PDE6B: variants seen among roughly 807,000 people sequenced by gnomAD.
PDE6B encodes phosphodiesterase 6B, also known as rod cGMP-specific 3',5'-cyclic phosphodiesterase subunit beta.
Under a neutral mutation model 109.0 loss-of-function variants are expected in PDE6B, and 106 were observed. That is an observed-to-expected ratio of 0.97 (90% CI 0.83 to 1.14). PDE6B has a LOEUF of 1.14. Ranked by LOEUF, PDE6B falls within the 50% of genes most tolerant of loss-of-function variation. The probability of loss-of-function intolerance (pLI) is 0.00; values close to 1 mark genes in which losing one functional copy is unlikely to be tolerated. For missense variants in PDE6B, 1,193 were observed against 1,155.6 expected (o/e 1.03, Z -0.47); for synonymous variants, 490 against 471.3 (o/e 1.04, Z -0.51).
Position 660,485 on chromosome 4 carries a change from CCCA to C in PDE6B, c.1491_1493del (p.Thr498del), listed in dbSNP as rs1553812485. ...CCCACAGAAGGAGGAGCTGCCAGGG[CCCA>C]CCACATTTGACATCTACGAATTCCA... On this transcript the variant is annotated inframe_deletion, in exon 12 of 22. Coordinates refer to ENST00000496514, the MANE Select transcript of PDE6B (RefSeq NM_000283.4). 1.9e-6 allele frequency: 3 copies of C among 1,613,922 alleles called. No individual in the cohort carries two copies. Among genetic ancestry groups the C allele is most frequent in the Middle Eastern group, 1.7e-4 (1 of 6,058 alleles).
At position 662,834 on chromosome 4, in the gene PDE6B, T is replaced by TAAA. The variant is rs36093261; in HGVS notation, c.1832+236_1832+238dup. ...GCAAGAGCTCTCCTCTACAAAAACT[T>TAAA]AAAAAAAAAAAAAAAAAAAAAAGCT... On this transcript the variant is annotated intron_variant, in intron 14 of 21. Coordinates refer to ENST00000496514, the MANE Select transcript of PDE6B (RefSeq NM_000283.4). The surrounding 1 kb of genome is among the most constrained non-coding windows in gnomAD (Gnocchi z 4.3). Among the ~76,000 whole-genome samples the TAAA allele has an allele frequency of 3.0e-4, 28 of 92,124 alleles. No individual in the cohort carries two copies. In the East Asian group the frequency reaches 4.9e-3, roughly 16 times the overall value. 60.4% of individuals were successfully genotyped at this position (92,124 alleles called of 152,430 possible).
intron 5 of PDE6B, chr4:654,615 A>G: frequency 9.2e-6 from 6 of 651,642 alleles, no homozygotes; most frequent in Non-Finnish European, 8.4e-6. Flanking sequence ...GAGCCTGTGC[A>G]TGTGTGGACA....
In PDE6B at chr4:664,017, G is replaced by A. The variant is rs1033696337; in HGVS notation, c.2022-97G>A. 150 of 1,147,788 alleles carry A rather than the reference G, an allele frequency of 1.3e-4. 2 individuals carry two copies. In the Middle Eastern group the frequency reaches 2.5e-3, roughly 19 times the overall value. The allele number at this position is 1,147,788 out of a possible 1,614,324, so 71.1% of individuals were successfully genotyped here. A position where few individuals can be genotyped will look rare whatever the true frequency, so the allele number is the denominator to read the frequency against. On this transcript the variant is annotated intron_variant, in intron 16 of 21. Coordinates refer to ENST00000496514, the MANE Select transcript of PDE6B (RefSeq NM_000283.4). ...CGCCGGCCCCGCGCACCCCGGATGG[G>A]GCCTCGCTCGGGCTCCGCGCCTCCC...
chr4:637,818 G>A (rs887919940), intron 3 of PDE6B, among the ~76,000 whole-genome samples: 3 of 152,174 alleles, frequency 2.0e-5, no homozygotes, highest in Admixed American at 1.3e-4. Flanking sequence ...CCTGGTCCAC[G>A]ACAGCGCGAC....
rs770115481 is a variant in PDE6B, at chr4:653,942, C to G, written c.802C>G (p.Leu268Val). 1 of 1,613,882 alleles carries G rather than the reference C, an allele frequency of 6.2e-7. No individual in the cohort carries two copies. The highest frequency in any genetic ancestry group is 1.1e-5 in the South Asian group (1 of 91,086). Residue 268 changes from leucine to valine, a missense_variant, in exon 4 of 22, where the codon CTC becomes GTC. Transcript: ENST00000496514. ...HKAFYTVRAY[L>V]NCERYSVGLL... ...GGCCTTCTACACGGTGCGGGCCTACCTCAACTGCGAGCGGTACTCCGTGGG... is the reference window on the plus strand; with the variant it reads ...GGCCTTCTACACGGTGCGGGCCTACGTCAACTGCGAGCGGTACTCCGTGGG...
rs759944711 is a variant in PDE6B, at chr4:656,889, G to T, written c.1123G>T (p.Asp375Tyr). Residue 375 changes from aspartate to tyrosine, a missense_variant, in exon 9 of 22, where the codon GAC (aspartate) becomes TAC (tyrosine). By Grantham distance (160) the Asp-to-Tyr change is radical. Coordinates refer to ENST00000496514, the MANE Select transcript of PDE6B (RefSeq NM_000283.4). ...GCTCCCGCAGGAAGGGGCCCTGGAC[G>T]ACTCCGGGTGGCTCATCAAGAATGT... ...MFKFQEGALD[D>Y]SGWLIKNVLS... 5.6e-6 allele frequency: 9 copies of T among 1,612,852 alleles called. No homozygotes were observed. In the South Asian group the frequency reaches 9.9e-5, roughly 18 times the overall value.
intron 1 of PDE6B, among the ~76,000 whole-genome samples, chr4:627,010 C>T (rs547854701): frequency 6.6e-6 from 1 of 152,346 alleles, no homozygotes; most frequent in South Asian, 2.1e-4. Context: ...GCTAAGGAGG[C>T]TGCAAGAGGC....
At chr4:660,926 CAAAGG>C (rs1560130569) in intron 12 of PDE6B, among the ~76,000 whole-genome samples, 1 of 17,936 alleles carries the variant, frequency 5.6e-5, no homozygotes, top group Non-Finnish European at 1.1e-4. Flanking sequence ...CAGAAAGAAA[CAAAGG>C]AAGAATAAAT....
chr4:644,620 C>T (rs573791150), intron 3 of PDE6B, among the ~76,000 whole-genome samples: 12 of 152,134 alleles, frequency 7.9e-5, no homozygotes, highest in Admixed American at 2.0e-4. Context: ...ACCTCCACCT[C>T]GTGGATTCAG....
Position 642,725 on chromosome 4 carries a change from C to CAAAAAAAAAAAAA in PDE6B, c.711+6769_711+6781dup, listed in dbSNP as rs71636506. On this transcript the variant is annotated intron_variant, in intron 3 of 21. Transcript: ENST00000496514. ...CCAACCTGGACAACAGACACTGTCTCAAAAAAAAAAAAAAAAAAAAAAAAA... is the reference window on the plus strand; with the variant it reads ...CCAACCTGGACAACAGACACTGTCTCAAAAAAAAAAAAAAAAAAAAAAAAAAAAAAAAAAAAAA... 4.2e-3 allele frequency among the ~76,000 whole-genome samples: 180 copies of CAAAAAAAAAAAAA among 43,314 alleles called. 11 individuals are homozygous for CAAAAAAAAAAAAA. Among genetic ancestry groups the CAAAAAAAAAAAAA allele is most frequent in the African/African-American group, 0.01 (109 of 10,704 alleles). 28.4% of individuals were successfully genotyped at this position (43,314 alleles called of 152,430 possible). A position where few individuals can be genotyped will look rare whatever the true frequency, so the allele number is the denominator to read the frequency against.
At position 665,200 on chromosome 4, in the gene PDE6B, G is replaced by C; in HGVS notation, c.2194-55G>C. Reference sequence around the variant, plus strand: ...CTCGGAGCCTCACGGGGCGGGCCCGGGCCCTTCCGCGTGGGCTCAGAGCTC... The same window carrying C: ...CTCGGAGCCTCACGGGGCGGGCCCGCGCCCTTCCGCGTGGGCTCAGAGCTC... On this transcript the variant is annotated intron_variant, in intron 18 of 21. Transcript: ENST00000496514. The surrounding 1 kb of genome is among the most constrained non-coding windows in gnomAD (Gnocchi z 4.0). 1.5e-6 allele frequency: 2 copies of C among 1,346,382 alleles called. No homozygotes were observed. The highest frequency in any genetic ancestry group is 1.1e-6 in the Non-Finnish European group (1 of 945,506). The allele number at this position is 1,346,382 out of a possible 1,614,324, so 83.4% of individuals were successfully genotyped here. A position where few individuals can be genotyped will look rare whatever the true frequency, so the allele number is the denominator to read the frequency against.
intron 9 of PDE6B, 25 bp from the exon 10 acceptor site, chr4:657,326 C>T (rs1339404528): frequency 6.2e-7 from 1 of 1,612,398 alleles, no homozygotes; most frequent in South Asian, 1.1e-5. Flanking sequence ...GCGCTGAGCG[C>T]CAGTGACACT....
In PDE6B at chr4:655,985, C is replaced by T. The variant is rs750878327; in HGVS notation, c.1038C>T (p.Ser346=). Residue 346 remains serine, a synonymous_variant, in exon 7 of 22, where the codon AGC becomes AGT. Coordinates refer to ENST00000496514, the MANE Select transcript of PDE6B (RefSeq NM_000283.4). ...GGGCCCTGGCCAGCGGCCTTCCAAG[C>T]TACGTGGCAGAAAGCGGCTTTGTGA... is the stretch of plus-strand genomic sequence containing the variant. ...DHWALASGLP[S]YVAESGFICN... The T allele has an allele frequency of 6.2e-7, 1 of 1,609,812 alleles. No homozygotes were observed. Among genetic ancestry groups the T allele is most frequent in the South Asian group, 1.1e-5 (1 of 90,998 alleles).
At chr4:642,725 C>CAGAAAAAAAAAAA (rs1553805595) in intron 3 of PDE6B, among the ~76,000 whole-genome samples, 1 of 43,336 alleles carries the variant, frequency 2.3e-5, no homozygotes, top group African/African-American at 9.3e-5. Flanking sequence ...GACACTGTCT[C>CAGAAAAAAAAAAA]AAAAAAAAAA....
At chr4:634,575 G>T in intron 1 of PDE6B, 102 bp from the exon 2 acceptor site, 1 of 990,354 alleles carries the variant, frequency 1.0e-6, no homozygotes, top group Admixed American at 1.7e-5. Flanking sequence ...CCTCACACCT[G>T]GAGGGCAGCA....
chr4:664,229 C>T lies in PDE6B; in HGVS notation c.2129+8C>T, dbSNP rs764138476. 28 of 1,510,474 alleles carry T rather than the reference C, an allele frequency of 1.9e-5. No individual in the cohort carries two copies. Among genetic ancestry groups the T allele is most frequent in the Admixed American group, 3.3e-5 (2 of 59,886 alleles). 93.6% of individuals were successfully genotyped at this position (1,510,474 alleles called of 1,614,324 possible). ...CCGGAAGGAGATCGTCATGTGAGCG[C>T]GGGCGGAGGGGGCACGAGGGGTCCT... On this transcript the variant is annotated splice_region_variant and intron_variant, in intron 17 of 21. Coordinates refer to ENST00000496514, the MANE Select transcript of PDE6B (RefSeq NM_000283.4).
rs1217059400 is a variant in PDE6B at position 636,598 on chromosome 4, G to C, written c.711+629G>C. Reference sequence around the variant, plus strand: ...TGGGGGAGGGAGGCTCTATGTTGGGGCTGGGAAGCCGTCCATGCAATGGCC... The same window carrying C: ...TGGGGGAGGGAGGCTCTATGTTGGGCCTGGGAAGCCGTCCATGCAATGGCC... On this transcript the variant is annotated intron_variant, in intron 3 of 21. Coordinates refer to ENST00000496514, the MANE Select transcript of PDE6B (RefSeq NM_000283.4). The surrounding 1 kb of genome is among the most constrained non-coding windows in gnomAD (Gnocchi z 4.5). Among the ~76,000 whole-genome samples, 1 of 152,170 alleles carries C rather than the reference G, an allele frequency of 6.6e-6. No homozygotes were observed. Among genetic ancestry groups the C allele is most frequent in the Non-Finnish European group, 1.5e-5 (1 of 68,016 alleles).
intron 17 of PDE6B, 143 bp from the exon 18 acceptor site, chr4:664,738 G>A (rs568982329): frequency 1.9e-5 from 14 of 752,916 alleles, no homozygotes; most frequent in Non-Finnish European, 3.2e-5. Context: ...ATCGGGAGGC[G>A]GAGGTTGCAG....
chr4:626,005 G>A lies in PDE6B; in HGVS notation c.379G>A (p.Asp127Asn), dbSNP rs766141814. The A allele has an allele frequency of 3.8e-5, 60 of 1,586,892 alleles. 1 individual carries two copies. The East Asian group carries it at 1.1e-3, about 29-fold the overall frequency. Residue 127 changes from aspartate to asparagine, a missense_variant, in exon 1 of 22, where the codon GAC becomes AAC. Coordinates refer to ENST00000496514, the MANE Select transcript of PDE6B (RefSeq NM_000283.4). The surrounding 1 kb of genome is among the most constrained non-coding windows in gnomAD (Gnocchi z 4.6). The part of the protein sequence containing the change: ...SVLEDCLVPP[D>N]SEIVFPLDIG... ...CCTGGAGGACTGCCTGGTGCCCCCC[G>A]ACTCCGAGATCGTCTTCCCACTGGA...
Sources: allele counts gnomAD v4.1 joint callset (sites outside exome capture counted in the v4.1 genomes callset), GRCh38; gene constraint gnomAD v4.1.1; non-coding constraint Gnocchi (gnomAD v3.1); transcripts MANE v1.5; gene names NCBI Gene and HGNC (gene_info 2026-07-23, HGNC 2026-07-21).